The following SLC38A12 variants were observed in gnomAD, a reference collection of about 807,000 sequenced individuals.
SLC38A12 encodes the protein solute carrier family 38 member 12, also known as putative sodium-coupled neutral amino acid transporter 12.
At chr17:74,795,078 C>T in the SLC38A12 span, 1 of 1,614,194 alleles carries the variant, frequency 6.2e-7, no homozygotes. Flanking sequence ...ATCTATGCTG[C>T]TGCCGTGCCC....
the SLC38A12 span, among the ~76,000 whole-genome samples, chr17:74,779,921 CT>C: frequency 6.6e-6 from 1 of 152,246 alleles, no homozygotes; most frequent in South Asian, 2.1e-4. Flanking sequence ...ATGTCACACC[CT>C]CTCAAGGGTA....
the SLC38A12 span, among the ~76,000 whole-genome samples, chr17:74,784,476 A>G: frequency 1.3e-5 from 2 of 152,188 alleles, no homozygotes; most frequent in African/African-American, 4.8e-5. Context: ...ACTAGCAGGC[A>G]GCTGGACTTG....
At chr17:74,794,888 T>C in the SLC38A12 span, 8 of 782,530 alleles carry the variant, frequency 1.0e-5, no homozygotes, top group Non-Finnish European at 1.0e-5. Context: ...TTGTAGAAAG[T>C]AAACAGCTCA....
the SLC38A12 span, among the ~76,000 whole-genome samples, chr17:74,818,518 T>G: frequency 5.6e-4 from 77 of 137,648 alleles, no homozygotes; most frequent in African/African-American, 1.7e-3. Context: ...TGGCCAGAGG[T>G]GGGGGGCGGG....
chr17:74,799,274 A>G, the SLC38A12 span, among the ~76,000 whole-genome samples: 1 of 152,228 alleles, frequency 6.6e-6, no homozygotes, highest in African/African-American at 2.4e-5. Flanking sequence ...GCTGGGTCGC[A>G]GGTGGCCCGG....
At chr17:74,800,778 A>G in the SLC38A12 span, among the ~76,000 whole-genome samples, 1 of 138,910 alleles carries the variant, frequency 7.2e-6, no homozygotes, top group African/African-American at 2.8e-5. Flanking sequence ...GAGTTTATGC[A>G]GCGTCCAGCC....
the SLC38A12 span, among the ~76,000 whole-genome samples, chr17:74,787,950 T>G: frequency 6.6e-6 from 1 of 152,016 alleles, no homozygotes; most frequent in African/African-American, 2.4e-5. Context: ...TGTGCCACCA[T>G]GCCCAGCTAA....
At chr17:74,835,492 C>A in the SLC38A12 span, among the ~76,000 whole-genome samples, 4 of 152,188 alleles carry the variant, frequency 2.6e-5, no homozygotes, top group African/African-American at 9.6e-5. Context: ...TTCCTTAAAC[C>A]AAGGGAGAGA....
the SLC38A12 span, among the ~76,000 whole-genome samples, chr17:74,799,936 C>A: frequency 6.6e-6 from 1 of 152,256 alleles, no homozygotes; most frequent in African/African-American, 2.4e-5. Context: ...CGCCCTCCCA[C>A]GGTTTACCTT....
the SLC38A12 span, among the ~76,000 whole-genome samples, chr17:74,828,436 C>T: frequency 3.9e-5 from 6 of 152,182 alleles, no homozygotes; most frequent in Non-Finnish European, 5.9e-5. Context: ...AGGAGTGTGC[C>T]GCGTGCGGTC....
chr17:74,788,529 C>T, the SLC38A12 span, among the ~76,000 whole-genome samples: 2 of 152,228 alleles, frequency 1.3e-5, no homozygotes, highest in African/African-American at 4.8e-5. Flanking sequence ...CCAGCTCCCT[C>T]TCTCCTTTGG....
the SLC38A12 span, among the ~76,000 whole-genome samples, chr17:74,820,853 C>T: frequency 6.6e-6 from 1 of 152,188 alleles, no homozygotes; most frequent in African/African-American, 2.4e-5. Context: ...AGCAGCGGGT[C>T]ATGGTCGCCG....
At chr17:74,818,135 C>T in the SLC38A12 span, among the ~76,000 whole-genome samples, 11 of 152,216 alleles carry the variant, frequency 7.2e-5, no homozygotes, top group African/African-American at 2.4e-4. Flanking sequence ...CCGCCAGAGT[C>T]AACGTTCTGC....
chr17:74,817,022 T>G, the SLC38A12 span, among the ~76,000 whole-genome samples: 2 of 87,782 alleles, frequency 2.3e-5, no homozygotes, highest in Admixed American at 1.4e-4. Flanking sequence ...CCCGCCCCCG[T>G]CCCTCCCCAA....
chr17:74,777,530 GC>G, the SLC38A12 span: 1 of 1,543,994 alleles, frequency 6.5e-7, no homozygotes, highest in Non-Finnish European at 8.7e-7. Flanking sequence ...CGACTACAGT[GC>G]TGCTGTGGTG....
At chr17:74,790,410 G>C in the SLC38A12 span, 3 of 934,556 alleles carry the variant, frequency 3.2e-6, no homozygotes, top group African/African-American at 3.2e-5. Flanking sequence ...TCCTGCCCCT[G>C]GGTTCTGAGG....
the SLC38A12 span, among the ~76,000 whole-genome samples, chr17:74,804,213 T>A: frequency 3.3e-3 from 501 of 152,390 alleles, 2 homozygotes; most frequent in African/African-American, 0.011. Flanking sequence ...TGTCTTTCTA[T>A]ATAGCGCCCC....
At chr17:74,806,406 C>T in the SLC38A12 span, among the ~76,000 whole-genome samples, 8 of 152,204 alleles carry the variant, frequency 5.3e-5, no homozygotes, top group African/African-American at 1.9e-4. Context: ...CCCATCCCCT[C>T]CCTCCTCCTT....
the SLC38A12 span, among the ~76,000 whole-genome samples, chr17:74,811,951 C>T: frequency 4.0e-5 from 6 of 151,614 alleles, no homozygotes; most frequent in Admixed American, 2.6e-4. Context: ...GAGGCTTAGG[C>T]GGGCAGATCG....
Sources: gnomAD v4.1 joint callset for allele counts (sites outside exome capture counted in the v4.1 genomes callset) on GRCh38, gnomAD v4.1.1 for gene constraint, MANE v1.5 for transcripts, NCBI Gene and HGNC (gene_info 2026-07-23, HGNC 2026-07-21) for gene names.